Variants in KSR2 observed in about 807,000 individuals in gnomAD.
KSR2 encodes the protein kinase suppressor of ras 2.
KSR2 carries 25 observed loss-of-function variants against 107.8 expected under a neutral mutation model. That is an observed-to-expected ratio of 0.23 (90% CI 0.17 to 0.32). KSR2 has a LOEUF of 0.32. Among genes scored for constraint, KSR2 ranks in the 10% least tolerant of loss-of-function variants. The probability of loss-of-function intolerance (pLI) is 1.00; values close to 1 mark genes in which losing one functional copy is unlikely to be tolerated. For missense variants in KSR2, 887 were observed against 1,268.9 expected (o/e 0.70, Z 4.57); for synonymous variants, 480 against 507.0 (o/e 0.95, Z 0.71).
At chr12:117,699,014 G>C (rs78833574) in intron 4 of KSR2, among the ~76,000 whole-genome samples, 2 of 152,142 alleles carry the variant, frequency 1.3e-5, no homozygotes, top group African/African-American at 4.8e-5. Flanking sequence ...TCATCTAAAA[G>C]AGCAGCTCTC....
At chr12:117,560,634 A>G (rs1252989045) in intron 7 of KSR2, among the ~76,000 whole-genome samples, 1 of 152,214 alleles carries the variant, frequency 6.6e-6, no homozygotes, top group Admixed American at 6.5e-5. Flanking sequence ...TTGCCTTATG[A>G]GATGGTTTGA....
intron 4 of KSR2, among the ~76,000 whole-genome samples, chr12:117,712,908 C>A (rs1886840622): frequency 1.3e-5 from 2 of 151,890 alleles, no homozygotes; most frequent in South Asian, 4.1e-4. Context: ...AGAGCTATAT[C>A]TTTAGACAGA....
At chr12:117,902,231 G>A (rs918034489) in intron 1 of KSR2, among the ~76,000 whole-genome samples, 17 of 152,174 alleles carry the variant, frequency 1.1e-4, no homozygotes, top group Non-Finnish European at 2.9e-5. Flanking sequence ...GGCCAAGGTG[G>A]GTGGATCACT....
chr12:117,526,861 C>T (rs1875204116), intron 13 of KSR2, among the ~76,000 whole-genome samples: 1 of 152,188 alleles, frequency 6.6e-6, no homozygotes, highest in Non-Finnish European at 1.5e-5. Flanking sequence ...CTGGCTTTTC[C>T]ATGATGCATG....
chr12:117,850,346 G>A (rs2570560), intron 3 of KSR2, among the ~76,000 whole-genome samples: 54,184 of 152,022 alleles, frequency 0.36, 10,084 homozygotes, highest in Admixed American at 0.49. Flanking sequence ...GCCTGGGGAA[G>A]AGCAGGGATT....
chr12:117,616,366 G>T (rs1216362627), intron 5 of KSR2, among the ~76,000 whole-genome samples: 1 of 152,144 alleles, frequency 6.6e-6, no homozygotes, highest in African/African-American at 2.4e-5. Flanking sequence ...ACATATTTGA[G>T]AGTTTAAGTT....
intron 1 of KSR2, among the ~76,000 whole-genome samples, chr12:117,912,585 C>T (rs1895048080): frequency 6.6e-6 from 1 of 152,070 alleles, no homozygotes; most frequent in Non-Finnish European, 1.5e-5. Context: ...TAAGATTAAG[C>T]ATGAAAAGGA....
intron 9 of KSR2, among the ~76,000 whole-genome samples, chr12:117,542,830 T>C (rs1033672461): frequency 6.6e-6 from 1 of 152,242 alleles, no homozygotes. Context: ...TTTCACTGTT[T>C]TATAAGTGGA....
At chr12:117,810,107 G>A (rs1891144309) in intron 3 of KSR2, among the ~76,000 whole-genome samples, 1 of 152,108 alleles carries the variant, frequency 6.6e-6, no homozygotes, top group Admixed American at 6.5e-5. Flanking sequence ...CCAGTGAGCT[G>A]CTAACCAATG....
intron 3 of KSR2, among the ~76,000 whole-genome samples, chr12:117,820,634 C>T (rs965399258): frequency 6.6e-6 from 1 of 152,150 alleles, no homozygotes; most frequent in Non-Finnish European, 1.5e-5. Context: ...TCCGACCCAA[C>T]ACCACCCAAC....
intron 4 of KSR2, among the ~76,000 whole-genome samples, chr12:117,688,804 A>G (rs1030762869): frequency 6.6e-6 from 1 of 152,188 alleles, no homozygotes. Flanking sequence ...GTAAGTTTGG[A>G]GGACGACTCA....
intron 5 of KSR2, among the ~76,000 whole-genome samples, chr12:117,593,479 T>C (rs1443365155): frequency 6.6e-6 from 1 of 152,216 alleles, no homozygotes; most frequent in Non-Finnish European, 1.5e-5. Context: ...AAGACTTGTT[T>C]GTGGATTGCA....
At chr12:117,743,130 C>T (rs1181072150) in intron 4 of KSR2, among the ~76,000 whole-genome samples, 1 of 152,228 alleles carries the variant, frequency 6.6e-6, no homozygotes, top group Non-Finnish European at 1.5e-5. Context: ...CCATACAATC[C>T]AATTCGCCAA....
At chr12:117,783,468 T>C (rs117307293) in intron 3 of KSR2, among the ~76,000 whole-genome samples, 2 of 152,200 alleles carry the variant, frequency 1.3e-5, no homozygotes, top group Non-Finnish European at 2.9e-5. Flanking sequence ...TAGGATTGTT[T>C]TGAGGGTCTA....
intron 1 of KSR2, among the ~76,000 whole-genome samples, chr12:117,954,358 T>C (rs951940355): frequency 3.3e-5 from 5 of 152,202 alleles, no homozygotes; most frequent in Non-Finnish European, 7.3e-5. Flanking sequence ...CATACTTTGT[T>C]ATCCAACTTA....
chr12:117,664,705 GAGGA>G (rs1303347006), intron 5 of KSR2, among the ~76,000 whole-genome samples: 12 of 152,136 alleles, frequency 7.9e-5, no homozygotes, highest in Admixed American at 2.6e-4. Flanking sequence ...GACCCAGATA[GAGGA>G]AGGAACTTGC....
chr12:117,519,434 C>T (rs1874597520), intron 14 of KSR2, among the ~76,000 whole-genome samples: 1 of 152,070 alleles, frequency 6.6e-6, no homozygotes, highest in Admixed American at 6.6e-5. Flanking sequence ...TCTGATTCAG[C>T]GGGGGAGGGT....
chr12:117,868,371 C>T (rs1389024688), intron 1 of KSR2, among the ~76,000 whole-genome samples: 2 of 150,580 alleles, frequency 1.3e-5, no homozygotes, highest in African/African-American at 2.4e-5. Flanking sequence ...TGCAGTGAGC[C>T]GAGATCACGC....
chr12:117,877,440 A>G (rs367860176), intron 1 of KSR2, among the ~76,000 whole-genome samples: 11 of 152,276 alleles, frequency 7.2e-5, no homozygotes, highest in East Asian at 5.8e-4. Flanking sequence ...ACATTTGTTG[A>G]TAGTTTTTAT....
Sources: allele counts gnomAD v4.1 joint callset (sites outside exome capture counted in the v4.1 genomes callset), GRCh38; gene constraint gnomAD v4.1.1; transcripts MANE v1.5; gene names NCBI Gene and HGNC (gene_info 2026-07-23, HGNC 2026-07-21).